Variants in CAVIN4 observed in about 807,000 individuals in gnomAD.
CAVIN4 encodes caveolae associated protein 4.
CAVIN4 carries 10 observed loss-of-function variants against 18.6 expected under a neutral mutation model. The ratio of observed to expected loss-of-function variants is 0.54; its 90% CI spans 0.33 to 0.91. CAVIN4 has a LOEUF of 0.91. Ranked by LOEUF, CAVIN4 falls within the 40% of genes least tolerant of loss-of-function variation. The probability of loss-of-function intolerance (pLI) is 0.02; values close to 1 mark genes in which losing one functional copy is unlikely to be tolerated. For missense variants in CAVIN4, 459 were observed against 440.5 expected, an observed-to-expected ratio of 1.04 and a Z score of -0.38; for synonymous variants, 173 against 164.8, an observed-to-expected ratio of 1.05 and a Z score of -0.38.
chr9:100,585,798 G>A lies in CAVIN4; in HGVS notation c.442G>A (p.Val148Ile), dbSNP rs1353575711. The change falls in exon 2 of 2, where the codon GTT (valine) becomes ATT (isoleucine). Residue 148 changes from valine to isoleucine, a missense_variant. By Grantham distance (29) the Val-to-Ile change is conservative. Coordinates refer to ENST00000307584, the MANE Select transcript of CAVIN4 (RefSeq NM_001018116.2). ...TCGGTGTCCGACATCCCTGTCTGTT[G>A]TTAAAGACAGAAACCTAACTGAGAA... ...KFRCPTSLSV[V>I]KDRNLTENQE... 1 of 1,614,130 alleles carries A rather than the reference G, an allele frequency of 6.2e-7. No individual in the cohort carries two copies. Among genetic ancestry groups the A allele is most frequent in the Admixed American group, 1.7e-5 (1 of 60,028 alleles).
chr9:100,579,842 G>A (rs572580529), intron 1 of CAVIN4, among the ~76,000 whole-genome samples: 2 of 152,214 alleles, frequency 1.3e-5, no homozygotes, highest in African/African-American at 4.8e-5. Flanking sequence ...ATAACTCCCC[G>A]TGGCATTCTT....
Position 100,578,566 on chromosome 9 carries a change from G to T in CAVIN4, c.408+15G>T. The stretch of plus-strand genomic sequence containing the variant: ...TAATATTCCAGGTAAGCTTGCACTT[G>T]TGTTCAGCTTGCTTGTTCTAATCTC... On this transcript the variant is annotated intron_variant, in intron 1 of 1. Coordinates refer to ENST00000307584, the MANE Select transcript of CAVIN4 (RefSeq NM_001018116.2). The T allele has an allele frequency of 2.5e-6, 4 of 1,612,338 alleles. No homozygotes were observed. Among genetic ancestry groups the T allele is most frequent in the Non-Finnish European group, 3.4e-6 (4 of 1,179,616 alleles).
At chr9:100,580,809 A>G (rs1368276564) in intron 1 of CAVIN4, among the ~76,000 whole-genome samples, 2 of 152,238 alleles carry the variant, frequency 1.3e-5, no homozygotes, top group Non-Finnish European at 2.9e-5. Flanking sequence ...AGTAATTGCT[A>G]TCATTTATAA....
At chr9:100,581,307 C>T (rs1245762732) in intron 1 of CAVIN4, 1 of 152,376 alleles carries the variant, frequency 6.6e-6, no homozygotes, top group Non-Finnish European at 1.5e-5. Flanking sequence ...CCCACTTAGC[C>T]CAGCCAGATC....
chr9:100,587,886 T>C lies in CAVIN4; in HGVS notation c.*1435T>C, dbSNP rs1309690204. 6.6e-6 allele frequency: 1 copy of C among 150,962 alleles called. No individual in the cohort carries two copies. Among genetic ancestry groups the C allele is most frequent in the Non-Finnish European group, 1.5e-5 (1 of 67,396 alleles). 9.4% of individuals were successfully genotyped at this position (150,962 alleles called of 1,614,324 possible). A position where few individuals can be genotyped will look rare whatever the true frequency, so the allele number is the denominator to read the frequency against. ...GCCTGGGCAAAAGAGCCAGACTCTG[T>C]TTCAAAAAAAAAGAAAAAAAGAAAA... On this transcript the variant is annotated 3_prime_UTR_variant, in exon 2 of 2. Transcript: ENST00000307584.
chr9:100,577,842 A>G (rs1308637528), upstream of CAVIN4, among the ~76,000 whole-genome samples: 2 of 152,148 alleles, frequency 1.3e-5, no homozygotes, highest in Non-Finnish European at 2.9e-5. Flanking sequence ...TAGGTTTAAT[A>G]TTAGTTACAT....
intron 1 of CAVIN4, among the ~76,000 whole-genome samples, chr9:100,579,489 A>T (rs566956429): frequency 6.6e-6 from 1 of 152,216 alleles, no homozygotes; most frequent in African/African-American, 2.4e-5. Context: ...AGGTTAATTT[A>T]AGGATTGGGA....
chr9:100,584,466 A>G (rs1047891033), intron 1 of CAVIN4, among the ~76,000 whole-genome samples: 1 of 152,216 alleles, frequency 6.6e-6, no homozygotes, highest in East Asian at 1.9e-4. Context: ...TATGTGCAAG[A>G]CACTCTGATA....
At chr9:100,578,719 C>G (rs868206821) in intron 1 of CAVIN4, among the ~76,000 whole-genome samples, 168 bp downstream of exon 1, 1 of 152,130 alleles carries the variant, frequency 6.6e-6, no homozygotes, top group African/African-American at 2.4e-5. Flanking sequence ...CTCTGTTAAC[C>G]AAAGTACTAT....
In CAVIN4 at chr9:100,578,229, C is replaced by T. The variant is rs1564032296; in HGVS notation, c.86C>T (p.Ala29Val). Residue 29 changes from alanine to valine, a missense_variant, in exon 1 of 2, where the codon GCT (alanine) becomes GTT (valine). Physicochemically the swap from Ala to Val is moderately conservative, Grantham distance 64. Transcript: ENST00000307584. ...GTTACAGAAGATGAAGACCAAGACG[C>T]TGCTCTTACCATTGTGACTGTGCTG... ...SSVTEDEDQD[A>V]ALTIVTVLDK... 2 of 1,613,932 alleles carry T rather than the reference C, an allele frequency of 1.2e-6. No individual in the cohort carries two copies. The highest frequency in any genetic ancestry group is 1.7e-4 in the Middle Eastern group (1 of 6,058).
chr9:100,586,125 A>C lies in CAVIN4; in HGVS notation c.769A>C (p.Lys257Gln). The change falls in exon 2 of 2, where the codon AAA becomes CAA. Residue 257 changes from lysine (K) to glutamine (Q), a missense_variant. Lys to Gln is a moderately conservative substitution (Grantham distance 53). Transcript: ENST00000307584. ...GAGACAGTCAGGGGAGAGGTTTAAG[A>C]AATCTATTTCTAATGCAGCTCCCTC... is the stretch of plus-strand genomic sequence containing the variant. The part of the protein sequence containing the change: ...RLRQSGERFK[K>Q]SISNAAPSKE... 7 of 1,590,998 alleles carry C rather than the reference A, an allele frequency of 4.4e-6. No individual in the cohort carries two copies. Among genetic ancestry groups the C allele is most frequent in the Non-Finnish European group, 6.0e-6 (7 of 1,169,380 alleles).
At chr9:100,578,672 G>A in intron 1 of CAVIN4, 121 bp downstream of exon 1, 1 of 921,128 alleles carries the variant, frequency 1.1e-6, no homozygotes, top group Non-Finnish European at 1.7e-6. Flanking sequence ...ATACAATGGA[G>A]TTCTGTATTA....
Position 100,578,335 on chromosome 9 carries a change from C to T in CAVIN4, c.192C>T (p.Ala64=). The T allele has an allele frequency of 6.2e-7, 1 of 1,614,020 alleles. No homozygotes were observed. The highest frequency in any genetic ancestry group is 1.7e-5 in the Admixed American group (1 of 60,006). Residue 64 remains alanine (A), a synonymous_variant, in exon 1 of 2, where the codon GCC becomes GCT. Coordinates refer to ENST00000307584, the MANE Select transcript of CAVIN4 (RefSeq NM_001018116.2). ...AGAGACACAGGGAAATGGAAAATGC[C>T]ATAAAATCCGTCCAGATTGACCTGT... The part of the protein sequence containing the change: ...IEERHREMEN[A]IKSVQIDLLK...
At chr9:100,585,723 G>A (rs1328298447) in intron 1 of CAVIN4, 42 bp from the exon 2 acceptor site, 1 of 1,507,752 alleles carries the variant, frequency 6.6e-7, no homozygotes, top group Non-Finnish European at 9.2e-7. Context: ...GCTCTATAGT[G>A]CAAAGGAAGC....
rs1174408064 is a variant in CAVIN4 at position 100,585,939 on chromosome 9, A to AT, written c.585dup (p.Asp196Ter). The AT allele has an allele frequency of 6.2e-7, 1 of 1,614,188 alleles. No individual in the cohort carries two copies. Among genetic ancestry groups the AT allele is most frequent in the Non-Finnish European group, 8.5e-7 (1 of 1,180,044 alleles). On this transcript the variant is annotated frameshift_variant, in exon 2 of 2. Coordinates refer to ENST00000307584, the MANE Select transcript of CAVIN4 (RefSeq NM_001018116.2). ...GCTTAGGAAGTCAGGCAAGGAGCAC[A>AT]TTGATAATATCAAGAAGGCATTTTC... is the stretch of plus-strand genomic sequence containing the variant.
At chr9:100,579,063 A>G (rs942896380) in intron 1 of CAVIN4, among the ~76,000 whole-genome samples, 3 of 152,246 alleles carry the variant, frequency 2.0e-5, no homozygotes, top group Non-Finnish European at 2.9e-5. Flanking sequence ...ATTTTTACAT[A>G]TAGATCACAA....
intron 1 of CAVIN4, among the ~76,000 whole-genome samples, chr9:100,582,393 T>G (rs951203506): frequency 6.6e-6 from 1 of 152,176 alleles, no homozygotes; most frequent in Non-Finnish European, 1.5e-5. Context: ...TTGCCCAGGC[T>G]AGAGTTCTAC....
intron 1 of CAVIN4, among the ~76,000 whole-genome samples, chr9:100,585,247 A>G (rs556985608): frequency 2.6e-5 from 4 of 152,326 alleles, no homozygotes; most frequent in African/African-American, 9.6e-5. Flanking sequence ...AGGCAGTATT[A>G]TCAACAAAGC....
intron 1 of CAVIN4, among the ~76,000 whole-genome samples, chr9:100,584,934 T>G (rs546102421): frequency 6.6e-6 from 1 of 152,194 alleles, no homozygotes; most frequent in Non-Finnish European, 1.5e-5. Flanking sequence ...TTGAGAGTGA[T>G]TGTATGTTTC....
Sources: allele counts gnomAD v4.1 joint callset (sites outside exome capture counted in the v4.1 genomes callset), GRCh38; gene constraint gnomAD v4.1.1; transcripts MANE v1.5; gene names NCBI Gene and HGNC (gene_info 2026-07-23, HGNC 2026-07-21).